DAB1: variants seen among roughly 807,000 people sequenced by gnomAD.
DAB1 encodes the protein DAB adaptor protein 1, also known as disabled homolog 1.
Under a neutral mutation model 64.6 loss-of-function variants are expected in DAB1, and 15 were observed. That is an observed-to-expected ratio of 0.23 (90% CI 0.16 to 0.36). The LOEUF is 0.36. Among genes scored for constraint, DAB1 ranks in the 10% least tolerant of loss-of-function variants. The pLI, the probability that DAB1 is intolerant of heterozygous loss-of-function variation, is 1.00. For synonymous variants in DAB1, 235 were observed against 251.9 expected (o/e 0.93, Z 0.64); for missense variants, 596 against 706.7 (o/e 0.84, Z 1.78).
At chr1:58,198,842 G>A (rs1395292244) in intron 4 of DAB1, among the ~76,000 whole-genome samples, 6 of 152,144 alleles carry the variant, frequency 3.9e-5, no homozygotes, top group African/African-American at 1.4e-4. Flanking sequence ...ATGCGCAGTG[G>A]CTCACATCTG....
chr1:57,346,408 G>T (rs947586232), intron 1 of DAB1, among the ~76,000 whole-genome samples: 1 of 152,172 alleles, frequency 6.6e-6, no homozygotes, highest in Non-Finnish European at 1.5e-5. Context: ...CAAAGACTAA[G>T]TATTCATTCA....
intron 7 of DAB1, among the ~76,000 whole-genome samples, chr1:57,611,782 C>A (rs1340891675): frequency 6.6e-6 from 1 of 152,182 alleles, no homozygotes; most frequent in Non-Finnish European, 1.5e-5. Context: ...ACTCTTGCCA[C>A]CCCAGCAATC....
chr1:57,198,250 A>T (rs476466), intron 2 of DAB1, among the ~76,000 whole-genome samples: 4 of 151,874 alleles, frequency 2.6e-5, no homozygotes, highest in African/African-American at 7.3e-5. Context: ...CTGTACATTT[A>T]GAAATCACCC....
intron 1 of DAB1, among the ~76,000 whole-genome samples, chr1:57,312,301 A>C (rs1384466111): frequency 6.6e-6 from 1 of 151,954 alleles, no homozygotes; most frequent in Admixed American, 6.6e-5. Context: ...AATTTTATCT[A>C]AGCAGATGCC....
intron 4 of DAB1, among the ~76,000 whole-genome samples, chr1:58,206,372 G>A (rs1658284445): frequency 6.6e-6 from 1 of 152,152 alleles, no homozygotes; most frequent in Admixed American, 6.5e-5. Context: ...AAAATTCATT[G>A]GGAGGAAAGT....
At chr1:58,382,453 G>A (rs1644397719) in intron 3 of DAB1, among the ~76,000 whole-genome samples, 1 of 152,200 alleles carries the variant, frequency 6.6e-6, no homozygotes, top group East Asian at 1.9e-4. Context: ...CAACCCAGAT[G>A]TCTCCAAGAG....
At chr1:57,207,604 C>T (rs1345954094) in intron 2 of DAB1, among the ~76,000 whole-genome samples, 4 of 148,546 alleles carry the variant, frequency 2.7e-5, no homozygotes, top group Admixed American at 6.8e-5. Flanking sequence ...CCACTACGCC[C>T]AGCTAATTTT....
At chr1:57,574,585 C>T (rs1645229015) in intron 7 of DAB1, among the ~76,000 whole-genome samples, 3 of 152,140 alleles carry the variant, frequency 2.0e-5, no homozygotes, top group African/African-American at 7.2e-5. Flanking sequence ...GATTTCAGAG[C>T]CCTTGAAAAT....
At chr1:57,671,830 G>C (rs1312807656) in intron 6 of DAB1, among the ~76,000 whole-genome samples, 5 of 151,990 alleles carry the variant, frequency 3.3e-5, no homozygotes, top group Admixed American at 3.3e-4. Context: ...CTCATGCTCT[G>C]ATATTACTTT....
At chr1:58,309,074 C>T (rs1393886296) in intron 4 of DAB1, among the ~76,000 whole-genome samples, 4 of 152,108 alleles carry the variant, frequency 2.6e-5, no homozygotes, top group Non-Finnish European at 4.4e-5. Flanking sequence ...AAGAAAAAAG[C>T]TTAGCCTTAG....
At chr1:57,944,431 G>T (rs1333181425) in intron 5 of DAB1, among the ~76,000 whole-genome samples, 1 of 152,158 alleles carries the variant, frequency 6.6e-6, no homozygotes, top group Non-Finnish European at 1.5e-5. Context: ...GGCCTGCAGA[G>T]CTTTCTTCAC....
intron 6 of DAB1, among the ~76,000 whole-genome samples, chr1:57,680,904 TC>T (rs1231206250): frequency 6.6e-6 from 1 of 152,232 alleles, no homozygotes; most frequent in Non-Finnish European, 1.5e-5. Context: ...TGTTGTGGTT[TC>T]AAAGTGGGTA....
intron 3 of DAB1, among the ~76,000 whole-genome samples, chr1:58,348,188 C>T (rs1644019615): frequency 6.6e-6 from 1 of 152,124 alleles, no homozygotes; most frequent in African/African-American, 2.4e-5. Flanking sequence ...GGCAAATACA[C>T]CTCCTAACAA....
At chr1:58,526,068 A>C (rs1224780292) in intron 2 of DAB1, among the ~76,000 whole-genome samples, 1 of 152,132 alleles carries the variant, frequency 6.6e-6, no homozygotes, top group Admixed American at 6.5e-5. Context: ...TATTAGAAAT[A>C]AAGCAGGAAT....
intron 3 of DAB1, among the ~76,000 whole-genome samples, chr1:58,488,930 T>G (rs892566942): frequency 6.6e-6 from 1 of 152,256 alleles, no homozygotes; most frequent in Non-Finnish European, 1.5e-5. Context: ...AATATTTTCA[T>G]GAAAGATGTG....
chr1:57,213,025 G>T (rs1041674519), intron 2 of DAB1, among the ~76,000 whole-genome samples: 5 of 152,148 alleles, frequency 3.3e-5, no homozygotes, highest in African/African-American at 4.8e-5. Flanking sequence ...GAGGCAGAAG[G>T]TGCAGTGAGT....
chr1:57,576,283 TAA>T (rs1645249243), intron 7 of DAB1, among the ~76,000 whole-genome samples: 1 of 152,208 alleles, frequency 6.6e-6, no homozygotes. Context: ...TTAGGTGTAC[TAA>T]ATGCATTTTC....
At chr1:57,872,959 G>T (rs1643978524) in intron 1 of DAB1, among the ~76,000 whole-genome samples, 1 of 152,278 alleles carries the variant, frequency 6.6e-6, no homozygotes, top group Admixed American at 6.5e-5. Flanking sequence ...GGGAGACTAG[G>T]TCTGGACTGG....
At chr1:57,869,757 C>T (rs1031193203) in intron 1 of DAB1, among the ~76,000 whole-genome samples, 1 of 152,146 alleles carries the variant, frequency 6.6e-6, no homozygotes, top group African/African-American at 2.4e-5. Context: ...TTTATTACTT[C>T]TCTCAGAACT....
Sources: allele counts gnomAD v4.1 joint callset (sites outside exome capture counted in the v4.1 genomes callset), GRCh38; gene constraint gnomAD v4.1.1; transcripts MANE v1.5; gene names NCBI Gene and HGNC (gene_info 2026-07-23, HGNC 2026-07-21).